OPCML: variants seen among roughly 807,000 people sequenced by gnomAD.
OPCML encodes the protein opioid-binding protein/cell adhesion molecule.
Under a neutral mutation model 37.8 loss-of-function variants are expected in OPCML, and 13 were observed. The observed-to-expected ratio is 0.34, with a 90% confidence interval of 0.22 to 0.55. The LOEUF is 0.55. Ranked by LOEUF, OPCML falls within the 20% of genes least tolerant of loss-of-function variation. OPCML has a pLI of 0.91. For synonymous variants in OPCML, 176 were observed against 168.8 expected (o/e 1.04, Z -0.33); for missense variants, 341 against 435.6 (o/e 0.78, Z 1.93).
intron 3 of OPCML, among the ~76,000 whole-genome samples, chr11:132,573,251 C>A (rs1039972977): frequency 2.0e-5 from 3 of 151,620 alleles, no homozygotes; most frequent in African/African-American, 7.3e-5. Context: ...TGTCTAATTT[C>A]TCTTGCTGTT....
intron 3 of OPCML, among the ~76,000 whole-genome samples, chr11:132,569,495 G>A (rs2137553774): frequency 6.6e-6 from 1 of 152,316 alleles, no homozygotes; most frequent in South Asian, 2.1e-4. Flanking sequence ...CATCCTTGAA[G>A]AAAGATATAG....
chr11:133,283,952 C>A (rs988396480), intron 1 of OPCML, among the ~76,000 whole-genome samples: 16 of 152,260 alleles, frequency 1.1e-4, no homozygotes, highest in African/African-American at 2.2e-4. Context: ...CGCTTCCCCC[C>A]CCAGTACCTA....
chr11:132,915,796 C>G (rs890256109), intron 2 of OPCML, among the ~76,000 whole-genome samples: 8 of 152,120 alleles, frequency 5.3e-5, no homozygotes, highest in African/African-American at 1.9e-4. Flanking sequence ...TATTTTTTGT[C>G]TACTTTCTAT....
intron 1 of OPCML, among the ~76,000 whole-genome samples, chr11:133,135,156 C>T (rs994827652): frequency 1.3e-5 from 2 of 152,168 alleles, no homozygotes; most frequent in African/African-American, 2.4e-5. Context: ...TAATTAACAA[C>T]GCATGGGCCT....
At chr11:133,462,491 A>T (rs993013180) in intron 1 of OPCML, among the ~76,000 whole-genome samples, 19 of 152,256 alleles carry the variant, frequency 1.2e-4, no homozygotes, top group African/African-American at 4.6e-4. Context: ...TCTCTACAAT[A>T]AAAACCAAAA....
rs554958812 is a variant in OPCML, at chr11:133,458,236, G to A, written c.61+74028C>T. On this transcript the variant is annotated intron_variant, in intron 1 of 7. Coordinates refer to ENST00000524381, the MANE Select transcript of OPCML (RefSeq NM_001012393.5). ...TATATACACATATATACACGTGTGT[G>A]TATATATACACATATATATACACGT... 1.9e-3 allele frequency among the ~76,000 whole-genome samples: 202 copies of A among 106,300 alleles called. 2 individuals carry two copies. Among genetic ancestry groups the A allele is most frequent in the African/African-American group, 0.016 (178 of 11,476 alleles). The allele number at this position is 106,300 out of a possible 152,430, so 69.7% of individuals were successfully genotyped here.
chr11:133,054,444 C>T (rs1948185330), intron 1 of OPCML, among the ~76,000 whole-genome samples: 1 of 152,234 alleles, frequency 6.6e-6, no homozygotes, highest in Non-Finnish European at 1.5e-5. Context: ...AGAAGTGCCA[C>T]ACTGGAACCA....
At chr11:133,412,637 C>T (rs140634979) in intron 1 of OPCML, among the ~76,000 whole-genome samples, 73 of 151,848 alleles carry the variant, frequency 4.8e-4, no homozygotes, top group Non-Finnish European at 9.0e-4. Context: ...AAATAGTACA[C>T]GTATGCCCCT....
chr11:133,162,528 AG>A (rs1320263487), intron 1 of OPCML, among the ~76,000 whole-genome samples: 4 of 152,316 alleles, frequency 2.6e-5, no homozygotes, highest in African/African-American at 9.6e-5. Flanking sequence ...CTGGCAGTGC[AG>A]GGAGAGAGGG....
chr11:133,022,496 T>C (rs1415374162), intron 1 of OPCML, among the ~76,000 whole-genome samples: 1 of 151,860 alleles, frequency 6.6e-6, no homozygotes, highest in African/African-American at 2.4e-5. Flanking sequence ...TTTTTTTTTT[T>C]CTGCTTTTAT....
At chr11:133,010,599 A>G (rs1264628693) in intron 1 of OPCML, among the ~76,000 whole-genome samples, 1 of 152,236 alleles carries the variant, frequency 6.6e-6, no homozygotes, top group African/African-American at 2.4e-5. Context: ...GTCTTTAGTG[A>G]TAACTTTAAG....
intron 2 of OPCML, among the ~76,000 whole-genome samples, chr11:132,722,764 A>T (rs1944720560): frequency 6.6e-6 from 1 of 152,164 alleles, no homozygotes; most frequent in Admixed American, 6.5e-5. Flanking sequence ...CAAGTAGAAG[A>T]GGTCAGATCC....
At chr11:132,942,811 T>C in intron 2 of OPCML, 115 bp downstream of exon 2, 1 of 1,396,170 alleles carries the variant, frequency 7.2e-7, no homozygotes, top group Non-Finnish European at 9.9e-7. Context: ...CCCTCGGGCC[T>C]GCACAAGGCC....
intron 3 of OPCML, among the ~76,000 whole-genome samples, chr11:132,597,303 G>T (rs1424961915): frequency 6.6e-6 from 1 of 152,162 alleles, no homozygotes; most frequent in Non-Finnish European, 1.5e-5. Context: ...TTTTCTCATT[G>T]TTGAATATGA....
At chr11:133,280,933 C>G (rs1005297556) in intron 1 of OPCML, among the ~76,000 whole-genome samples, 1 of 152,120 alleles carries the variant, frequency 6.6e-6, no homozygotes, top group Non-Finnish European at 1.5e-5. Flanking sequence ...CCCCTTGGTA[C>G]CTTTCCTCAT....
intron 1 of OPCML, among the ~76,000 whole-genome samples, chr11:133,316,159 G>T (rs1040807515): frequency 5.3e-5 from 8 of 152,170 alleles, no homozygotes; most frequent in African/African-American, 1.7e-4. Flanking sequence ...GGAGACCAGA[G>T]TCAGGCTTGT....
chr11:133,065,225 CGGG>C (rs945211035), intron 1 of OPCML: 45 of 152,560 alleles, frequency 2.9e-4, no homozygotes, highest in African/African-American at 9.4e-4. Context: ...CTGGGGCCTC[CGGG>C]GGCAGGATCA....
At chr11:133,346,137 G>T (rs992361204) in intron 1 of OPCML, among the ~76,000 whole-genome samples, 2 of 152,090 alleles carry the variant, frequency 1.3e-5, no homozygotes, top group African/African-American at 4.8e-5. Context: ...TGATAATTTG[G>T]CATACACTCT....
At chr11:133,111,653 C>A (rs910337272) in intron 1 of OPCML, among the ~76,000 whole-genome samples, 2 of 152,224 alleles carry the variant, frequency 1.3e-5, no homozygotes, top group Non-Finnish European at 2.9e-5. Context: ...GGAGCACCAA[C>A]TGCCTAGGAA....
Sources: gnomAD v4.1 joint callset for allele counts (sites outside exome capture counted in the v4.1 genomes callset) on GRCh38, gnomAD v4.1.1 for gene constraint, MANE v1.5 for transcripts, NCBI Gene and HGNC (gene_info 2026-07-23, HGNC 2026-07-21) for gene names.